RMDN2: variants seen among roughly 807,000 people sequenced by gnomAD.
RMDN2 encodes the protein regulator of microtubule dynamics 2.
RMDN2 carries 61 observed loss-of-function variants against 52.8 expected under a neutral mutation model. The ratio of observed to expected loss-of-function variants is 1.16; its 90% CI spans 0.94 to 1.43. RMDN2 has a LOEUF of 1.43. Ranked by LOEUF, RMDN2 falls within the 40% of genes most tolerant of loss-of-function variation. The pLI, the probability that RMDN2 is intolerant of heterozygous loss-of-function variation, is 0.00. For synonymous variants in RMDN2, 180 were observed against 153.1 expected (o/e 1.18, Z -1.30); for missense variants, 592 against 475.3 (o/e 1.25, Z -2.28).
intron 2 of RMDN2, among the ~76,000 whole-genome samples, chr2:37,956,073 T>C (rs1669418032): frequency 1.3e-5 from 2 of 152,186 alleles, no homozygotes; most frequent in Admixed American, 6.5e-5. Flanking sequence ...CAGAATGAGC[T>C]TGGGAGTGTT....
At chr2:37,933,617 C>T (rs1033227684) in intron 2 of RMDN2, among the ~76,000 whole-genome samples, 3 of 152,240 alleles carry the variant, frequency 2.0e-5, no homozygotes, top group South Asian at 2.1e-4. Context: ...CAAAAAAATA[C>T]GAAAACCAGT....
At position 37,926,417 on chromosome 2, in the gene RMDN2, CA is replaced by C. The variant is rs201155873; in HGVS notation, c.-17+993del. 8.1e-3 allele frequency among the ~76,000 whole-genome samples: 1,235 copies of C among 152,264 alleles called. 25 individuals are homozygous for C. The highest frequency in any genetic ancestry group is 0.029 in the African/African-American group (1,192 of 41,542). On this transcript the variant is annotated intron_variant, in intron 1 of 10. Transcript: ENST00000354545. Reference sequence around the variant, plus strand: ...ATGTCATTTTAGAATACTTGATTCTCATCTCAACCTTTAATATTACACAATA... The same window carrying C: ...ATGTCATTTTAGAATACTTGATTCTCTCTCAACCTTTAATATTACACAATA...
intron 4 of RMDN2, among the ~76,000 whole-genome samples, chr2:37,979,751 C>T (rs536120568): frequency 4.6e-5 from 7 of 152,150 alleles, no homozygotes; most frequent in Admixed American, 3.3e-4. Flanking sequence ...GTATACTACC[C>T]GGCGTCTTTT....
chr2:38,046,275 C>G (rs908830230), intron 10 of RMDN2, among the ~76,000 whole-genome samples: 1 of 152,172 alleles, frequency 6.6e-6, no homozygotes, highest in Non-Finnish European at 1.5e-5. Flanking sequence ...ATAACCCTTA[C>G]TGCCTGCAAG....
At chr2:37,982,280 C>G (rs895025192) in intron 5 of RMDN2, among the ~76,000 whole-genome samples, 2 of 152,198 alleles carry the variant, frequency 1.3e-5, no homozygotes, top group Non-Finnish European at 2.9e-5. Flanking sequence ...CACTCTGCCA[C>G]CAGCAGGGGG....
intron 7 of RMDN2, among the ~76,000 whole-genome samples, chr2:37,995,159 A>G (rs1042378017): frequency 1.3e-5 from 2 of 152,180 alleles, no homozygotes; most frequent in African/African-American, 4.8e-5. Flanking sequence ...ACCTCAGTAA[A>G]GCCAATTTAA....
At chr2:38,022,006 T>C (rs1436036845), downstream of RMDN2, among the ~76,000 whole-genome samples, 1 of 152,194 alleles carries the variant, frequency 6.6e-6, no homozygotes, top group African/African-American at 2.4e-5. Flanking sequence ...CTTCTTTCCA[T>C]GTAGGTAATG....
At chr2:37,921,785 G>A (rs1045209409), upstream of RMDN2, among the ~76,000 whole-genome samples, 10 of 152,208 alleles carry the variant, frequency 6.6e-5, no homozygotes, top group African/African-American at 2.4e-4. Flanking sequence ...TGTGGCCTGG[G>A]ACAAGTTTCT....
At chr2:38,003,913 A>T in intron 8 of RMDN2, 78 bp from the exon 9 acceptor site, 1 of 1,113,756 alleles carries the variant, frequency 9.0e-7, no homozygotes, top group African/African-American at 1.5e-5. Context: ...TGATTTATTT[A>T]AATATATTCT....
intron 10 of RMDN2, among the ~76,000 whole-genome samples, chr2:38,060,241 G>A (rs577764074): frequency 7.9e-5 from 12 of 151,946 alleles, no homozygotes; most frequent in African/African-American, 1.9e-4. Context: ...CACCACACCC[G>A]ACCATTTTGT....
chr2:38,040,129 C>G (rs975517408), intron 10 of RMDN2, among the ~76,000 whole-genome samples: 1 of 150,562 alleles, frequency 6.6e-6, no homozygotes, highest in Admixed American at 6.6e-5. Context: ...TGTTAAAAGA[C>G]TAGTCTTTAT....
chr2:37,945,573 G>A (rs1350471033), intron 2 of RMDN2, among the ~76,000 whole-genome samples: 1 of 152,066 alleles, frequency 6.6e-6, no homozygotes, highest in African/African-American at 2.4e-5. Context: ...AGTACAAATA[G>A]ATACAATATA....
At chr2:38,014,345 T>G (rs1445562105) in intron 10 of RMDN2, among the ~76,000 whole-genome samples, 1 of 152,262 alleles carries the variant, frequency 6.6e-6, no homozygotes, top group Non-Finnish European at 1.5e-5. Flanking sequence ...GACTCTTACC[T>G]TCTTGTCATT....
rs147236089 is a variant in RMDN2 at position 37,955,640 on chromosome 2, G to C, written c.453-18400G>C. Among the ~76,000 whole-genome samples the C allele has an allele frequency of 1.6e-3, 251 of 152,234 alleles. 4 individuals are homozygous for C. Among genetic ancestry groups the C allele is most frequent in the Middle Eastern group, 0.01 (3 of 294 alleles). Reference sequence around the variant, plus strand: ...TCTTGTGATAATGAGTAAGTCTCAAGAGATCTGATGGAGTTTTCAAGAGTT... The same window carrying C: ...TCTTGTGATAATGAGTAAGTCTCAACAGATCTGATGGAGTTTTCAAGAGTT... On this transcript the variant is annotated intron_variant, in intron 2 of 10. Coordinates refer to ENST00000354545, the MANE Select transcript of RMDN2 (RefSeq NM_001170791.3).
In RMDN2 at chr2:37,951,959, C is replaced by T; in HGVS notation, c.453-22081C>T. 1.9e-6 allele frequency: 3 copies of T among 1,613,418 alleles called. No individual in the cohort carries two copies. The South Asian group carries it at 3.3e-5, about 18-fold the overall frequency. On this transcript the variant is annotated intron_variant, in intron 2 of 10. Coordinates refer to ENST00000354545, the MANE Select transcript of RMDN2 (RefSeq NM_001170791.3). ...AATTATGTAAAGATTTAAAAGATTT[C>T]CTTCATCCTCGTCCTGAAAGTTACA...
At chr2:38,065,264 CAAT>C (rs1682223781) in intron 10 of RMDN2, among the ~76,000 whole-genome samples, 2 of 151,068 alleles carry the variant, frequency 1.3e-5, no homozygotes, top group Non-Finnish European at 2.9e-5. Flanking sequence ...ATATTCAAAA[CAAT>C]AATACAAATT....
chr2:37,967,311 C>CA (rs1350414134), intron 2 of RMDN2, among the ~76,000 whole-genome samples: 1 of 152,152 alleles, frequency 6.6e-6, no homozygotes, highest in African/African-American at 2.4e-5. Context: ...AGATCAGCTG[C>CA]AGAGAAGAAC....
At chr2:37,991,668 C>T (rs1460723438) in intron 7 of RMDN2, among the ~76,000 whole-genome samples, 1 of 152,034 alleles carries the variant, frequency 6.6e-6, no homozygotes, top group Non-Finnish European at 1.5e-5. Flanking sequence ...CAACAATCCA[C>T]ACACACACCC....
intron 6 of RMDN2, among the ~76,000 whole-genome samples, chr2:37,990,852 T>G (rs1028447108): frequency 9.2e-5 from 14 of 152,228 alleles, no homozygotes; most frequent in African/African-American, 3.4e-4. Context: ...ACTCTGCTAT[T>G]TTTTCTGCCA....
Sources: allele counts gnomAD v4.1 joint callset (sites outside exome capture counted in the v4.1 genomes callset), GRCh38; gene constraint gnomAD v4.1.1; transcripts MANE v1.5; gene names NCBI Gene and HGNC (gene_info 2026-07-23, HGNC 2026-07-21).